The following MYO1D variants were observed in gnomAD, a reference collection of about 807,000 sequenced individuals.
The protein encoded by MYO1D is myosin ID.
In MYO1D, 83 loss-of-function variants were observed where a neutral mutation model predicts 122.0. The observed-to-expected ratio is 0.68, with a 90% CI of 0.57 to 0.82. MYO1D has a LOEUF of 0.82. Among genes scored for constraint, MYO1D ranks in the 40% least tolerant of loss-of-function variants. MYO1D has a pLI of 0.00. For synonymous variants in MYO1D, 464 were observed against 446.9 expected, an observed-to-expected ratio of 1.04 and a Z score of -0.48; for missense variants, 1,157 against 1,269.5, an observed-to-expected ratio of 0.91 and a Z score of 1.35.
intron 21 of MYO1D, among the ~76,000 whole-genome samples, chr17:32,589,988 T>C (rs1466514775): frequency 1.3e-5 from 2 of 152,236 alleles, no homozygotes; most frequent in Non-Finnish European, 2.9e-5. Flanking sequence ...TCAACTAGTG[T>C]TCCTCAAGTT....
intron 16 of MYO1D, among the ~76,000 whole-genome samples, chr17:32,673,788 C>T (rs772102047): frequency 6.6e-6 from 1 of 152,202 alleles, no homozygotes; most frequent in Non-Finnish European, 1.5e-5. Context: ...ACATTAGATG[C>T]TCATCGATAG....
At chr17:32,863,833 T>C (rs906122980) in intron 1 of MYO1D, among the ~76,000 whole-genome samples, 1 of 152,080 alleles carries the variant, frequency 6.6e-6, no homozygotes, top group Non-Finnish European at 1.5e-5. Context: ...GAAATCAGTC[T>C]CATTTTAAGA....
At chr17:32,582,020 G>C (rs1567897607) in intron 21 of MYO1D, among the ~76,000 whole-genome samples, 1 of 152,062 alleles carries the variant, frequency 6.6e-6, no homozygotes, top group Non-Finnish European at 1.5e-5. Flanking sequence ...TGATCCACCT[G>C]CCTTGGCCTC....
intron 1 of MYO1D, among the ~76,000 whole-genome samples, chr17:32,809,629 G>C (rs1334406878): frequency 6.6e-6 from 1 of 152,066 alleles, no homozygotes; most frequent in Non-Finnish European, 1.5e-5. Context: ...GGTAGAGACA[G>C]GGTTTTACCA....
intron 1 of MYO1D, among the ~76,000 whole-genome samples, chr17:32,841,717 C>T (rs1034805583): frequency 3.3e-5 from 5 of 151,986 alleles, no homozygotes; most frequent in Admixed American, 6.6e-5. Context: ...ACAGGACTCA[C>T]GATAGGGTAG....
At chr17:32,521,415 C>T (rs903175624) in intron 21 of MYO1D, among the ~76,000 whole-genome samples, 1 of 152,108 alleles carries the variant, frequency 6.6e-6, no homozygotes, top group African/African-American at 2.4e-5. Context: ...CCTGTAAATT[C>T]CCGCATAATC....
intron 13 of MYO1D, among the ~76,000 whole-genome samples, chr17:32,744,142 C>A (rs566747555): frequency 6.6e-6 from 1 of 152,240 alleles, no homozygotes; most frequent in African/African-American, 2.4e-5. Flanking sequence ...CTTTCCATCC[C>A]TCACTCTGTT....
At chr17:32,761,897 T>C (rs1041083019) in intron 8 of MYO1D, among the ~76,000 whole-genome samples, 2 of 152,162 alleles carry the variant, frequency 1.3e-5, no homozygotes, top group Non-Finnish European at 2.9e-5. Flanking sequence ...TTATTATATA[T>C]AGTTTGTTAG....
At chr17:32,803,662 G>A (rs1482099725) in intron 1 of MYO1D, among the ~76,000 whole-genome samples, 1 of 152,058 alleles carries the variant, frequency 6.6e-6, no homozygotes. Flanking sequence ...AACATAAATA[G>A]GCAATACACA....
At chr17:32,594,309 T>C (rs1010835629) in intron 21 of MYO1D, 22 of 368,182 alleles carry the variant, frequency 6.0e-5, no homozygotes, top group Middle Eastern at 7.0e-4. Flanking sequence ...ATTATAACAG[T>C]AAATTCTGCA....
At chr17:32,741,872 G>A (rs375098841) in intron 13 of MYO1D, among the ~76,000 whole-genome samples, 148 of 151,944 alleles carry the variant, frequency 9.7e-4, no homozygotes, top group African/African-American at 2.8e-3. Flanking sequence ...AAAATTAGCC[G>A]GGCGTGGTGG....
At chr17:32,721,213 G>T in intron 14 of MYO1D, 24 bp from the exon 15 acceptor site, 1 of 1,607,922 alleles carries the variant, frequency 6.2e-7, no homozygotes, top group South Asian at 1.1e-5. Flanking sequence ...TCAGCAAATG[G>T]TAAGTTTCAC....
At chr17:32,866,270 G>A (rs1778532685) in intron 1 of MYO1D, among the ~76,000 whole-genome samples, 1 of 152,048 alleles carries the variant, frequency 6.6e-6, no homozygotes, top group Non-Finnish European at 1.5e-5. Context: ...CTGTAATTGA[G>A]CATAAAATAA....
At chr17:32,707,564 G>A (rs2089324392) in intron 16 of MYO1D, among the ~76,000 whole-genome samples, 1 of 152,102 alleles carries the variant, frequency 6.6e-6, no homozygotes, top group African/African-American at 2.4e-5. Flanking sequence ...GACTAATGGG[G>A]GTCCCCATAA....
intron 21 of MYO1D, among the ~76,000 whole-genome samples, chr17:32,560,033 G>C (rs1365437513): frequency 6.6e-6 from 1 of 152,136 alleles, no homozygotes; most frequent in Non-Finnish European, 1.5e-5. Flanking sequence ...AAGGCGGGCA[G>C]ATCACGAGGT....
chr17:32,665,229 T>C (rs2088620902), intron 16 of MYO1D, among the ~76,000 whole-genome samples: 1 of 149,238 alleles, frequency 6.7e-6, no homozygotes. Context: ...CCCAGCACTC[T>C]TAATTCTCCT....
At chr17:32,563,777 C>T (rs144106455) in intron 21 of MYO1D, among the ~76,000 whole-genome samples, 15 of 152,348 alleles carry the variant, frequency 9.8e-5, no homozygotes, top group Admixed American at 9.8e-4. Flanking sequence ...TCATTCCTCA[C>T]CCTGTCCCTT....
At chr17:32,562,381 G>C (rs1362813542) in intron 21 of MYO1D, among the ~76,000 whole-genome samples, 1 of 52,660 alleles carries the variant, frequency 1.9e-5, no homozygotes, top group Non-Finnish European at 3.3e-5. Context: ...CATTTAGACT[G>C]TTTCCAGTTT....
chr17:32,564,710 A>T (rs1232054435), intron 21 of MYO1D, among the ~76,000 whole-genome samples: 1 of 152,230 alleles, frequency 6.6e-6, no homozygotes, highest in Non-Finnish European at 1.5e-5. Context: ...TGAGCACAAG[A>T]CATAACAAAG....
Sources: gnomAD v4.1 joint callset for allele counts (sites outside exome capture counted in the v4.1 genomes callset) on GRCh38, gnomAD v4.1.1 for gene constraint, MANE v1.5 for transcripts, NCBI Gene and HGNC (gene_info 2026-07-23, HGNC 2026-07-21) for gene names.